The following CRYBA4 variants were observed in gnomAD, a reference collection of about 807,000 sequenced individuals.
The protein encoded by CRYBA4 is beta-crystallin A4.
Under a neutral mutation model 31.7 loss-of-function variants are expected in CRYBA4, and 30 were observed. The ratio of observed to expected loss-of-function variants is 0.95; its 90% CI spans 0.71 to 1.28. The LOEUF is 1.28. CRYBA4 is among the 50% of genes most tolerant of loss of function. CRYBA4 has a pLI of 0.00. For synonymous variants in CRYBA4, 102 were observed against 102.3 expected, an observed-to-expected ratio of 1.00 and a Z score of 0.02; for missense variants, 225 against 260.7, an observed-to-expected ratio of 0.86 and a Z score of 0.94.
At chr22:26,594,204 G>A in the CRYBA4 span, among the ~76,000 whole-genome samples, 1 of 152,166 alleles carries the variant, frequency 6.6e-6, no homozygotes, top group East Asian at 1.9e-4. Context: ...TCTGACCCAG[G>A]CTATTGGCTG....
chr22:26,597,283 C>T, the CRYBA4 span, among the ~76,000 whole-genome samples: 1 of 152,154 alleles, frequency 6.6e-6, no homozygotes, highest in East Asian at 1.9e-4. Flanking sequence ...TCACCGGGGC[C>T]CACCACAACT....
intron 4 of CRYBA4, among the ~76,000 whole-genome samples, chr22:26,627,382 TTC>T (rs1174091365): frequency 2.5e-4 from 19 of 75,506 alleles, no homozygotes; most frequent in African/African-American, 1.5e-3. Flanking sequence ...CTTTCTTTCT[TTC>T]TTTCTTTCTT....
chr22:26,616,176 G>A, the CRYBA4 span: 114 of 1,614,086 alleles, frequency 7.1e-5, no homozygotes, highest in Non-Finnish European at 9.1e-5. Flanking sequence ...CCGCCTTGGC[G>A]CTGGTAATAG....
the CRYBA4 span, among the ~76,000 whole-genome samples, chr22:26,613,403 G>C: frequency 6.6e-6 from 1 of 152,248 alleles, no homozygotes; most frequent in East Asian, 1.9e-4. Context: ...GTTGCGGGAA[G>C]TCAGGGACCC....
At chr22:26,599,643 G>A in the CRYBA4 span, 12 of 1,614,024 alleles carry the variant, frequency 7.4e-6, no homozygotes, top group East Asian at 2.2e-5. Context: ...ACTGGTACCC[G>A]CGGTAGCCAG....
At chr22:26,616,080 G>A in the CRYBA4 span, 1 of 1,308,562 alleles carries the variant, frequency 7.6e-7, no homozygotes, top group Non-Finnish European at 1.1e-6. Flanking sequence ...AGAAGAAGGA[G>A]GAGGAGGGAA....
At chr22:26,626,137 C>G (rs1051993920) in intron 4 of CRYBA4, among the ~76,000 whole-genome samples, 1 of 152,168 alleles carries the variant, frequency 6.6e-6, no homozygotes, top group African/African-American at 2.4e-5. Flanking sequence ...CATGGTGGCT[C>G]ACACCTGTAA....
chr22:26,627,462 T>C, intron 4 of CRYBA4, among the ~76,000 whole-genome samples: 1 of 107,192 alleles, frequency 9.3e-6, no homozygotes, highest in Middle Eastern at 4.1e-3. Context: ...TTCTTTTTCT[T>C]TCTTTCTTTC....
At chr22:26,627,485 T>G (rs1929774414) in intron 4 of CRYBA4, among the ~76,000 whole-genome samples, 1 of 27,594 alleles carries the variant, frequency 3.6e-5, no homozygotes. Flanking sequence ...TCTCTTTCTT[T>G]CCTTTTCTTT....
the CRYBA4 span, chr22:26,601,788 GA>G: frequency 6.3e-7 from 1 of 1,594,602 alleles, no homozygotes; most frequent in Non-Finnish European, 8.5e-7. Context: ...CCTTCTCTAG[GA>G]ATCTGATGTT....
the CRYBA4 span, among the ~76,000 whole-genome samples, chr22:26,600,270 T>C: frequency 1.3e-5 from 2 of 151,866 alleles, no homozygotes; most frequent in South Asian, 2.1e-4. Context: ...GGTGTGGTGG[T>C]GGGCACCTGT....
the CRYBA4 span, chr22:26,590,285 G>C: frequency 1.3e-5 from 2 of 151,304 alleles, no homozygotes; most frequent in African/African-American, 4.8e-5. Flanking sequence ...CTCGCCCCGG[G>C]AACCCCGCCC....
chr22:26,590,587 C>G, the CRYBA4 span, among the ~76,000 whole-genome samples: 2 of 152,288 alleles, frequency 1.3e-5, no homozygotes, highest in Non-Finnish European at 1.5e-5. Context: ...CTCCATTTAT[C>G]AGGGATTTTG....
chr22:26,594,688 C>T, the CRYBA4 span, among the ~76,000 whole-genome samples: 2 of 151,854 alleles, frequency 1.3e-5, no homozygotes, highest in African/African-American at 4.8e-5. Context: ...GAGACTCTAG[C>T]TAAAACAAAA....
the CRYBA4 span, among the ~76,000 whole-genome samples, chr22:26,611,395 C>T: frequency 6.6e-6 from 1 of 152,046 alleles, no homozygotes; most frequent in African/African-American, 2.4e-5. Context: ...GGAGAGGGGA[C>T]AGCGAGTGGA....
the CRYBA4 span, among the ~76,000 whole-genome samples, chr22:26,591,320 A>T: frequency 6.6e-6 from 1 of 152,082 alleles, no homozygotes; most frequent in Non-Finnish European, 1.5e-5. Flanking sequence ...AAAATACAAA[A>T]ATTAGCCGGG....
chr22:26,630,129 T>C (rs1929878913), intron 5 of CRYBA4, among the ~76,000 whole-genome samples: 1 of 152,190 alleles, frequency 6.6e-6, no homozygotes, highest in Non-Finnish European at 1.5e-5. Flanking sequence ...ACAACTTGTC[T>C]AGGAAAAGAA....
At chr22:26,629,355 C>T (rs1354246400) in intron 5 of CRYBA4, among the ~76,000 whole-genome samples, 1 of 151,692 alleles carries the variant, frequency 6.6e-6, no homozygotes, top group African/African-American at 2.4e-5. Flanking sequence ...AAGAGGGACC[C>T]CTTGTGATTC....
chr22:26,622,113 C>T (rs760962016), intron 1 of CRYBA4, 127 bp downstream of exon 1: 9 of 306,478 alleles, frequency 2.9e-5, no homozygotes, highest in Non-Finnish European at 4.4e-5. Flanking sequence ...TCATCCTAAC[C>T]AAGGATGAGC....
Sources: allele counts gnomAD v4.1 joint callset (sites outside exome capture counted in the v4.1 genomes callset), GRCh38; gene constraint gnomAD v4.1.1; transcripts MANE v1.5; gene names NCBI Gene and HGNC (gene_info 2026-07-23, HGNC 2026-07-21).